RTF2: variants seen among roughly 807,000 people sequenced by gnomAD.
The protein encoded by RTF2 is UPF0549 protein C20orf43.
Under a neutral mutation model 38.0 loss-of-function variants are expected in RTF2, and 18 were observed. That is an observed-to-expected ratio of 0.47 (90% CI 0.33 to 0.70). The LOEUF is 0.70. Among genes scored for constraint, RTF2 ranks in the 30% least tolerant of loss-of-function variants. RTF2 has a pLI of 0.02. For missense variants in RTF2, 311 were observed against 379.6 expected (o/e 0.82, Z 1.50); for synonymous variants, 126 against 137.1 (o/e 0.92, Z 0.57).
intron 5 of RTF2, among the ~76,000 whole-genome samples, chr20:56,500,257 T>G (rs1983843711): frequency 6.6e-6 from 1 of 152,154 alleles, no homozygotes; most frequent in African/African-American, 2.4e-5. Flanking sequence ...TTTCACCATG[T>G]TGGTCAGCCT....
chr20:56,496,856 G>A (rs763807307), intron 5 of RTF2: 46 of 1,551,610 alleles, frequency 3.0e-5, no homozygotes, highest in South Asian at 7.1e-5. Flanking sequence ...CTTTAGGAAC[G>A]AATTCGAGAT....
At chr20:56,503,046 T>C (rs1044326682) in intron 5 of RTF2, among the ~76,000 whole-genome samples, 2 of 152,218 alleles carry the variant, frequency 1.3e-5, no homozygotes, top group Non-Finnish European at 2.9e-5. Flanking sequence ...AGGTGCCCTG[T>C]GCTCACTGGC....
chr20:56,482,885 C>A (rs1982594105), intron 4 of RTF2, among the ~76,000 whole-genome samples: 1 of 152,224 alleles, frequency 6.6e-6, no homozygotes, highest in African/African-American at 2.4e-5. Context: ...CCACACCACA[C>A]ACCCATATCC....
chr20:56,475,632 T>C (rs1350926716), intron 3 of RTF2, among the ~76,000 whole-genome samples: 2 of 152,202 alleles, frequency 1.3e-5, no homozygotes, highest in Admixed American at 1.3e-4. Flanking sequence ...ACATCAAAAA[T>C]GTGATAAACG....
rs1433652463 is a variant in RTF2, at chr20:56,497,634, T to C, written c.477+13445T>C. On this transcript the variant is annotated intron_variant, in intron 5 of 8. Coordinates refer to ENST00000357348, the MANE Select transcript of RTF2 (RefSeq NM_016407.5). ...ATCTTGAGCTCCAGGTGCATTCTTA[T>C]TACCATAATTTAAGTATTTTTTCCT... The C allele has an allele frequency of 6.5e-6, 8 of 1,239,984 alleles. No homozygotes were observed. In the East Asian group the frequency reaches 1.7e-4, roughly 26 times the overall value. 76.8% of individuals were successfully genotyped at this position (1,239,984 alleles called of 1,614,324 possible).
intron 5 of RTF2, among the ~76,000 whole-genome samples, chr20:56,495,990 CAGTAGTAT>C (rs1983503235): frequency 6.6e-6 from 1 of 152,112 alleles, no homozygotes; most frequent in Non-Finnish European, 1.5e-5. Context: ...AGTAGGTATC[CAGTAGTAT>C]TTATAAAATA....
At chr20:56,511,753 G>A (rs1245456635) in intron 5 of RTF2, among the ~76,000 whole-genome samples, 1 of 151,946 alleles carries the variant, frequency 6.6e-6, no homozygotes, top group Non-Finnish European at 1.5e-5. Context: ...AGACATCGCC[G>A]AATGTCCACT....
chr20:56,472,667 C>G (rs1461817752), intron 1 of RTF2, among the ~76,000 whole-genome samples: 4 of 152,028 alleles, frequency 2.6e-5, no homozygotes, highest in African/African-American at 7.2e-5. Flanking sequence ...TAATCTAACA[C>G]ACTTTTTTTT....
intron 1 of RTF2, among the ~76,000 whole-genome samples, chr20:56,469,859 T>C (rs1460238095): frequency 1.3e-5 from 2 of 152,218 alleles, no homozygotes; most frequent in Non-Finnish European, 2.9e-5. Context: ...GAGTGTGAGT[T>C]CATCAATCTG....
chr20:56,512,320 C>T (rs142095134), intron 5 of RTF2, among the ~76,000 whole-genome samples: 2 of 152,308 alleles, frequency 1.3e-5, no homozygotes, highest in Non-Finnish European at 2.9e-5. Context: ...CCGTGAGCAC[C>T]TCTGCTGTGC....
intron 5 of RTF2, among the ~76,000 whole-genome samples, chr20:56,494,177 T>C (rs11907595): frequency 6.6e-6 from 1 of 152,206 alleles, no homozygotes; most frequent in Non-Finnish European, 1.5e-5. Flanking sequence ...ATGCTGGCCA[T>C]GGATGGCCAC....
chr20:56,497,257 G>A, intron 5 of RTF2: 3 of 1,551,764 alleles, frequency 1.9e-6, no homozygotes, highest in Non-Finnish European at 2.6e-6. Flanking sequence ...AGCTCCTTAT[G>A]AATAGTTATA....
chr20:56,492,025 T>G (rs1293272020), intron 5 of RTF2, among the ~76,000 whole-genome samples: 1 of 152,142 alleles, frequency 6.6e-6, no homozygotes, highest in Non-Finnish European at 1.5e-5. Context: ...GTTACTGCTT[T>G]AGGTGAATAC....
intron 2 of RTF2, among the ~76,000 whole-genome samples, chr20:56,473,866 CA>C (rs958751414): frequency 4.6e-5 from 7 of 151,330 alleles, no homozygotes; most frequent in Non-Finnish European, 8.8e-5. Flanking sequence ...CCAGCCTGTG[CA>C]AAAAAAATAG....
chr20:56,501,835 C>T lies in RTF2; in HGVS notation c.478-11480C>T, dbSNP rs565029812. Among the ~76,000 whole-genome samples the T allele has an allele frequency of 3.6e-4, 55 of 152,240 alleles. 1 individual carries two copies. The highest frequency in any genetic ancestry group is 6.8e-3 in the Middle Eastern group (2 of 294). On this transcript the variant is annotated intron_variant, in intron 5 of 8. Coordinates refer to ENST00000357348, the MANE Select transcript of RTF2 (RefSeq NM_016407.5). ...GTGAGCCGTGATCATGCCCACTGCA[C>T]TCCAGCCTGGGCAACAGAGTGAGTG...
chr20:56,470,593 T>C (rs1265136491), intron 1 of RTF2: 1 of 455,940 alleles, frequency 2.2e-6, no homozygotes, highest in Non-Finnish European at 4.4e-6. Flanking sequence ...TCTTTTGTTC[T>C]AATAAGGCAA....
Position 56,476,915 on chromosome 20 carries a change from CT to C in RTF2, c.259-68del. ...AAGGGCTGGAATAACAATTTGTTGA[CT>C]TACGTGGTTAAGGCAAAGGATGATC... is the stretch of plus-strand genomic sequence containing the variant. On this transcript the variant is annotated intron_variant, in intron 3 of 8. Coordinates refer to ENST00000357348, the MANE Select transcript of RTF2 (RefSeq NM_016407.5). 3.3e-6 allele frequency: 5 copies of C among 1,499,462 alleles called. No individual in the cohort carries two copies. The South Asian group carries it at 5.9e-5, about 18-fold the overall frequency. The allele number at this position is 1,499,462 out of a possible 1,614,324, so 92.9% of individuals were successfully genotyped here.
intron 5 of RTF2, among the ~76,000 whole-genome samples, chr20:56,489,007 C>T (rs1467002784): frequency 3.9e-5 from 6 of 152,148 alleles, no homozygotes; most frequent in Non-Finnish European, 5.9e-5. Flanking sequence ...CTTTTACATT[C>T]CACATGCATT....
In RTF2 at chr20:56,518,344, G is replaced by A. The variant is rs962443519; in HGVS notation, c.*79G>A. On this transcript the variant is annotated 3_prime_UTR_variant, in exon 9 of 9. Coordinates refer to ENST00000357348, the MANE Select transcript of RTF2 (RefSeq NM_016407.5). The stretch of plus-strand genomic sequence containing the variant: ...CAGGTCGCTTTGTGCCTCTGAGTGC[G>A]CTGCTGTGTGTTCTCTCTATAGTTC... 30 of 1,350,574 alleles carry A rather than the reference G, an allele frequency of 2.2e-5. No homozygotes were observed. The highest frequency in any genetic ancestry group is 2.6e-4 in the Middle Eastern group (1 of 3,846). 83.7% of individuals were successfully genotyped at this position (1,350,574 alleles called of 1,614,324 possible).
Sources: gnomAD v4.1 joint callset for allele counts (sites outside exome capture counted in the v4.1 genomes callset) on GRCh38, gnomAD v4.1.1 for gene constraint, MANE v1.5 for transcripts, NCBI Gene and HGNC (gene_info 2026-07-23, HGNC 2026-07-21) for gene names.